SIPA1L3: variants seen among roughly 807,000 people sequenced by gnomAD.
SIPA1L3 encodes the protein signal induced proliferation associated 1 like 3, also known as signal-induced proliferation-associated 1-like protein 3.
SIPA1L3 carries 59 observed loss-of-function variants against 150.1 expected under a neutral mutation model. The ratio of observed to expected loss-of-function variants is 0.39; its 90% confidence interval spans 0.32 to 0.49. The LOEUF (loss-of-function observed/expected upper bound fraction) is 0.49, where lower values mean the gene tolerates loss of function less well. SIPA1L3 is among the 20% of genes least tolerant of loss of function. The pLI is 0.86. For missense variants in SIPA1L3, 2,211 were observed against 2,489.5 expected, an observed-to-expected ratio of 0.89 and a Z score of 2.38; for synonymous variants, 1,070 against 1,077.6, an observed-to-expected ratio of 0.99 and a Z score of 0.14.
chr19:38,048,269 CA>C lies in SIPA1L3; in HGVS notation c.-311+19114del, dbSNP rs1969106182. ...AGACATGTGATGTGTTCTAGAAGCCCAGGGGTGGATGGGCACCAGGTGGATA... is the reference window on the plus strand; with the variant it reads ...AGACATGTGATGTGTTCTAGAAGCCCGGGGTGGATGGGCACCAGGTGGATA... On this transcript the variant is annotated intron_variant, in intron 2 of 21. Coordinates refer to ENST00000222345, the MANE Select transcript of SIPA1L3 (RefSeq NM_015073.3). Among the ~76,000 whole-genome samples the C allele has an allele frequency of 3.3e-5, 5 of 152,122 alleles. No individual in the cohort carries two copies. The South Asian group carries it at 1.0e-3, about 32-fold the overall frequency.
chr19:37,932,150 A>G (rs1014325743), intron 1 of SIPA1L3, among the ~76,000 whole-genome samples: 4 of 152,196 alleles, frequency 2.6e-5, no homozygotes, highest in Admixed American at 6.5e-5. Context: ...CCGCCTTTAG[A>G]TTGTACGGTT....
rs1225091883 is a variant in SIPA1L3 at position 38,141,230 on chromosome 19, G to A, written c.3190G>A (p.Glu1064Lys). The A allele has an allele frequency of 6.2e-7, 1 of 1,613,258 alleles. No homozygotes were observed. The highest frequency in any genetic ancestry group is 1.1e-5 in the South Asian group (1 of 91,016). The change falls in exon 11 of 22, where the codon GAG becomes AAG. Residue 1064 changes from glutamate to lysine, a missense_variant. Glu to Lys is a moderately conservative substitution (Grantham distance 56). Around this residue, in one of 5 missense-constraint regions of SIPA1L3, gnomAD observed 625 missense variants for 804.2 expected, o/e 0.78. Coordinates refer to ENST00000222345, the MANE Select transcript of SIPA1L3 (RefSeq NM_015073.3). ...YDMNTSEPKT[E>K]QESITPGGRP... ...CATGAATACCTCGGAGCCCAAGACG[G>A]AGCAGGAAAGCATCACTCCTGGGGG...
intron 3 of SIPA1L3, among the ~76,000 whole-genome samples, chr19:38,087,042 G>A (rs1247419085): frequency 6.6e-6 from 1 of 152,170 alleles, no homozygotes; most frequent in African/African-American, 2.4e-5. Flanking sequence ...TGGGGGGCAG[G>A]GTTCTTGCTA....
At chr19:38,088,966 C>G in intron 4 of SIPA1L3, 115 bp downstream of exon 4, 6 of 1,118,526 alleles carry the variant, frequency 5.4e-6, no homozygotes, top group Non-Finnish European at 7.7e-6. Context: ...CCCAACAACC[C>G]CGGGAGAGCA....
chr19:38,070,161 G>A (rs1459158994), intron 2 of SIPA1L3, among the ~76,000 whole-genome samples: 2 of 149,586 alleles, frequency 1.3e-5, no homozygotes, highest in Non-Finnish European at 3.0e-5. Context: ...GAGTCTTCCT[G>A]ACCCCCTCCC....
intron 1 of SIPA1L3, among the ~76,000 whole-genome samples, chr19:38,025,947 A>T (rs1356185768): frequency 6.6e-6 from 1 of 152,144 alleles, no homozygotes; most frequent in Non-Finnish European, 1.5e-5. Context: ...TTCTAATTTT[A>T]TTTTGTACTT....
At position 38,063,241 on chromosome 19, in the gene SIPA1L3, G is replaced by C. The variant is rs572542728; in HGVS notation, c.-310-18015G>C. 3.3e-5 allele frequency among the ~76,000 whole-genome samples: 5 copies of C among 152,064 alleles called. No homozygotes were observed. In the East Asian group the frequency reaches 7.8e-4, roughly 24 times the overall value. On this transcript the variant is annotated intron_variant, in intron 2 of 21. Coordinates refer to ENST00000222345, the MANE Select transcript of SIPA1L3 (RefSeq NM_015073.3). Reference sequence around the variant, plus strand: ...CCAACCTGGATAACAAGGCCCAGCTGTGTGTGTCCAGCACCTGCACCGCCC... The same window carrying C: ...CCAACCTGGATAACAAGGCCCAGCTCTGTGTGTCCAGCACCTGCACCGCCC...
intron 1 of SIPA1L3, among the ~76,000 whole-genome samples, chr19:38,008,144 A>T (rs527799025): frequency 3.1e-4 from 47 of 151,560 alleles, no homozygotes; most frequent in Non-Finnish European, 6.5e-4. Flanking sequence ...CATGGACTCT[A>T]AGAAATGAAG....
intron 1 of SIPA1L3, among the ~76,000 whole-genome samples, chr19:37,988,069 T>C: frequency 6.6e-6 from 1 of 152,204 alleles, no homozygotes; most frequent in Admixed American, 6.5e-5. Context: ...CCCACTGGCC[T>C]AAGGCAGCAG....
intron 1 of SIPA1L3, among the ~76,000 whole-genome samples, chr19:38,024,599 G>A (rs562717215): frequency 1.3e-5 from 2 of 152,236 alleles, no homozygotes; most frequent in East Asian, 3.9e-4. Flanking sequence ...ACCCCAGTTT[G>A]CTTTTCCACC....
intron 1 of SIPA1L3, among the ~76,000 whole-genome samples, chr19:37,996,078 T>C (rs1967633252): frequency 6.6e-6 from 1 of 152,176 alleles, no homozygotes; most frequent in Non-Finnish European, 1.5e-5. Context: ...CACACCTGGC[T>C]GATTTTTAAA....
At chr19:38,120,581 A>C (rs1237488552) in intron 9 of SIPA1L3, among the ~76,000 whole-genome samples, 1 of 152,256 alleles carries the variant, frequency 6.6e-6, no homozygotes, top group Non-Finnish European at 1.5e-5. Context: ...GGAGGAAAAA[A>C]TACAAGAAAG....
intron 3 of SIPA1L3, among the ~76,000 whole-genome samples, chr19:38,087,968 A>G (rs1199079425): frequency 6.6e-6 from 1 of 152,242 alleles, no homozygotes; most frequent in East Asian, 1.9e-4. Context: ...CAGTGAGCCG[A>G]GATCGCGCCA....
intron 1 of SIPA1L3, among the ~76,000 whole-genome samples, chr19:38,027,792 T>TA (rs1444829093): frequency 6.6e-6 from 1 of 152,046 alleles, no homozygotes; most frequent in Non-Finnish European, 1.5e-5. Flanking sequence ...GCTGGGACTA[T>TA]AGGCTTAGTG....
chr19:38,137,248 G>A (rs1278915002), intron 10 of SIPA1L3, among the ~76,000 whole-genome samples: 1 of 151,982 alleles, frequency 6.6e-6, no homozygotes, highest in Non-Finnish European at 1.5e-5. Flanking sequence ...GAGTGCAGTG[G>A]CATGATCTCA....
intron 14 of SIPA1L3, among the ~76,000 whole-genome samples, chr19:38,163,489 CAAAAA>C (rs34366358): frequency 1.9e-5 from 1 of 51,308 alleles, no homozygotes; most frequent in Non-Finnish European, 3.8e-5. Context: ...GACTCTATCT[CAAAAA>C]AAAAAAAAAA....
At chr19:37,925,739 A>G (rs556824987) in intron 1 of SIPA1L3, among the ~76,000 whole-genome samples, 2 of 151,770 alleles carry the variant, frequency 1.3e-5, no homozygotes, top group South Asian at 2.1e-4. Context: ...GACTACAGGC[A>G]CGCACCACCA....
intron 1 of SIPA1L3, among the ~76,000 whole-genome samples, chr19:37,948,085 G>C (rs192802663): frequency 1.3e-5 from 2 of 152,322 alleles, no homozygotes; most frequent in Admixed American, 1.3e-4. Flanking sequence ...TGGCCACTTA[G>C]GCAGCGGAAG....
chr19:38,190,986 T>G (rs138014034), intron 16 of SIPA1L3, among the ~76,000 whole-genome samples: 235 of 152,338 alleles, frequency 1.5e-3, no homozygotes, highest in African/African-American at 5.1e-3. Flanking sequence ...GGCCTTGATT[T>G]GAAACCTGAC....
Sources: allele counts gnomAD v4.1 joint callset (sites outside exome capture counted in the v4.1 genomes callset), GRCh38; gene constraint gnomAD v4.1.1; regional missense constraint gnomAD v4.1.1; transcripts MANE v1.5; gene names NCBI Gene and HGNC (gene_info 2026-07-23, HGNC 2026-07-21).